Variants in GRID2IP observed in about 807,000 individuals in gnomAD.
The protein encoded by GRID2IP is delphilin.
In GRID2IP, 78 loss-of-function variants were observed where a neutral mutation model predicts 114.3. The ratio of observed to expected loss-of-function variants is 0.68; its 90% confidence interval spans 0.57 to 0.82. GRID2IP has a LOEUF of 0.82. Among genes scored for constraint, GRID2IP ranks in the 40% least tolerant of loss-of-function variants. The pLI is 0.00. For missense variants in GRID2IP, 1,727 were observed against 1,678.5 expected (o/e 1.03, Z -0.51); for synonymous variants, 809 against 724.0 (o/e 1.12, Z -1.89).
rs1779386530 is a variant in GRID2IP, at chr7:6,520,186, G to A, written c.1268+392C>T. Among the ~76,000 whole-genome samples, 1 of 152,210 alleles carries A rather than the reference G, an allele frequency of 6.6e-6. No individual in the cohort carries two copies. On this transcript the variant is annotated intron_variant, in intron 7 of 21. Transcript: ENST00000457091. The surrounding 1 kb of genome is among the most constrained non-coding windows in gnomAD (Gnocchi z 4.6). ...TGGGCACCTGTAATCCCAGCTACTC[G>A]GAGGCTGAGGCAGAAGAATCGCTTG...
At chr7:6,502,689 T>C (rs1413323341) in intron 18 of GRID2IP, 97 bp downstream of exon 18, 1 of 689,016 alleles carries the variant, frequency 1.5e-6, no homozygotes, top group Non-Finnish European at 2.4e-6. Flanking sequence ...TTGGTCACGA[T>C]GTCCTCTTCT....
intron 1 of GRID2IP, among the ~76,000 whole-genome samples, chr7:6,547,303 G>A (rs762199988): frequency 1.3e-5 from 2 of 152,164 alleles, no homozygotes; most frequent in African/African-American, 4.8e-5. Flanking sequence ...CACTTTGGGA[G>A]GCTGAGGCAG....
chr7:6,512,267 GT>G (rs1305764582), intron 8 of GRID2IP, among the ~76,000 whole-genome samples: 2 of 86,340 alleles, frequency 2.3e-5, no homozygotes, highest in Admixed American at 3.0e-4. Flanking sequence ...GTCTCACTCT[GT>G]CCCCCAGGCT....
chr7:6,510,338 C>T lies in GRID2IP; in HGVS notation c.1716G>A (p.Gly572=). ...GGGAAGCCCGGGATTTGGACACGGT[C>T]CCCATCTTCCCTTTGAAGCTGCTGT... ...RLNSSFKGKM[G]TVSKSRASPP... is the part of the protein sequence containing the mutation. The change falls in exon 11 of 22, where the codon GGG becomes GGA. Residue 572 remains glycine (G), a synonymous_variant. Transcript: ENST00000457091. 6.5e-7 allele frequency: 1 copy of T among 1,547,498 alleles called. No homozygotes were observed. Among genetic ancestry groups the T allele is most frequent in the Non-Finnish European group, 8.7e-7 (1 of 1,145,264 alleles).
In GRID2IP at chr7:6,551,134, G is replaced by C. The variant is rs1779971311; in HGVS notation, c.303C>G (p.Val101=). ...CGCGGCCGCACCGCGGGGCCCGCAA[G>C]ACTGTGGTCGGGGCCGCGGGGCCGG... ...PGSGPAAPTT[V]LRAPRCGRGL... The change falls in exon 1 of 22, where the codon GTC becomes GTG. Residue 101 remains valine (V), a synonymous_variant. Transcript: ENST00000457091. 2 of 1,318,676 alleles carry C rather than the reference G, an allele frequency of 1.5e-6. No homozygotes were observed. The allele number at this position is 1,318,676 out of a possible 1,614,324, so 81.7% of individuals were successfully genotyped here. A position where few individuals can be genotyped will look rare whatever the true frequency, so the allele number is the denominator to read the frequency against.
chr7:6,544,841 G>A (rs555193039), intron 1 of GRID2IP, among the ~76,000 whole-genome samples: 3 of 151,908 alleles, frequency 2.0e-5, no homozygotes, highest in Non-Finnish European at 4.4e-5. Context: ...CAGCACTTTG[G>A]GAGGCCGAGG....
intron 16 of GRID2IP, 84 bp from the exon 17 acceptor site, chr7:6,503,247 G>GGA: frequency 6.0e-6 from 3 of 504,196 alleles, no homozygotes; most frequent in Non-Finnish European, 1.1e-5. Context: ...GGGAGGGGGG[G>GGA]ATCTGCTGGC....
At chr7:6,549,723 T>C (rs1779940958) in intron 1 of GRID2IP, among the ~76,000 whole-genome samples, 1 of 151,870 alleles carries the variant, frequency 6.6e-6, no homozygotes, top group African/African-American at 2.4e-5. Flanking sequence ...CAAGCTCAAG[T>C]AATCCTCCCA....
intron 15 of GRID2IP, among the ~76,000 whole-genome samples, chr7:6,503,894 G>T (rs1227440934): frequency 6.6e-6 from 1 of 151,510 alleles, no homozygotes; most frequent in Non-Finnish European, 1.5e-5. Context: ...GGAGAGGACG[G>T]CGCTTCAATA....
At position 6,510,715 on chromosome 7, in the gene GRID2IP, GAAT is replaced by G; in HGVS notation, c.1556-12_1556-10del. On this transcript the variant is annotated splice_polypyrimidine_tract_variant and intron_variant, in intron 9 of 21. Coordinates refer to ENST00000457091, the MANE Select transcript of GRID2IP (RefSeq NM_001145118.2). ...AGGGCACTCGCTGGGACCTACCGGG[GAAT>G]AATGTCATTACCGTATCTGAGCTCT... The G allele has an allele frequency of 6.5e-7, 1 of 1,546,656 alleles. No individual in the cohort carries two copies. The highest frequency in any genetic ancestry group is 1.2e-5 in the South Asian group (1 of 83,658).
rs13230238 is a variant in GRID2IP at position 6,506,681 on chromosome 7, A to G, written c.2545-774T>C. 5.2e-5 allele frequency among the ~76,000 whole-genome samples: 7 copies of G among 134,030 alleles called. No individual in the cohort carries two copies. Among genetic ancestry groups the G allele is most frequent in the African/African-American group, 1.3e-4 (5 of 38,622 alleles). 87.9% of individuals were successfully genotyped at this position (134,030 alleles called of 152,430 possible). A position where few individuals can be genotyped will look rare whatever the true frequency, so the allele number is the denominator to read the frequency against. ...ATTTGTGCCCTTGTCTCACTGAGGT[A>G]TTTTTTTTTTTTTTTTTTTAGATAG... On this transcript the variant is annotated intron_variant, in intron 13 of 21. Coordinates refer to ENST00000457091, the MANE Select transcript of GRID2IP (RefSeq NM_001145118.2). This position sits in a 1 kb window ranked among gnomAD's most constrained non-coding sequence, Gnocchi z 5.2.
Position 6,526,306 on chromosome 7 carries a change from A to G in GRID2IP, c.837T>C (p.Thr279=). Residue 279 remains threonine (T), a synonymous_variant, in exon 4 of 22, where the codon ACT becomes ACC. Coordinates refer to ENST00000457091, the MANE Select transcript of GRID2IP (RefSeq NM_001145118.2). This position sits in a 1 kb window ranked among gnomAD's most constrained non-coding sequence, Gnocchi z 7.6. ...GLAGPGGARR[T]VRVYKGNKSF... ...TCTTGTTGCCTTTGTAGACTCGGAC[A>G]GTCCTGGGGGAAAAAGAAGGGGCGA... 6.4e-7 allele frequency: 1 copy of G among 1,551,864 alleles called. No homozygotes were observed. The highest frequency in any genetic ancestry group is 8.7e-7 in the Non-Finnish European group (1 of 1,146,960).
rs1427681080 is a variant in GRID2IP, at chr7:6,497,743, T to C, written c.*31A>G. 1 of 1,523,948 alleles carries C rather than the reference T, an allele frequency of 6.6e-7. No individual in the cohort carries two copies. The highest frequency in any genetic ancestry group is 2.0e-5 in the Admixed American group (1 of 50,162). 94.4% of individuals were successfully genotyped at this position (1,523,948 alleles called of 1,614,324 possible). A position where few individuals can be genotyped will look rare whatever the true frequency, so the allele number is the denominator to read the frequency against. Reference sequence around the variant, plus strand: ...GCCCTCTCGGCCTCCATCTCCCTGCTCAGGCCGCAGAGGACGCGGTGTGGC... The same window carrying C: ...GCCCTCTCGGCCTCCATCTCCCTGCCCAGGCCGCAGAGGACGCGGTGTGGC... On this transcript the variant is annotated 3_prime_UTR_variant, in exon 22 of 22. Transcript: ENST00000457091.
chr7:6,504,269 T>C (rs1451018665), intron 15 of GRID2IP, among the ~76,000 whole-genome samples: 1 of 118,420 alleles, frequency 8.4e-6, no homozygotes, highest in Non-Finnish European at 1.8e-5. Flanking sequence ...CTGGTTGAGT[T>C]CGAGCGGGGG....
At position 6,526,602 on chromosome 7, in the gene GRID2IP, G is replaced by T; in HGVS notation, c.752C>A (p.Pro251Gln). Residue 251 changes from proline (P) to glutamine (Q), a missense_variant, in exon 3 of 22, where the codon CCG (proline) becomes CAG (glutamine). Transcript: ENST00000457091. This position sits in a 1 kb window ranked among gnomAD's most constrained non-coding sequence, Gnocchi z 7.6. The stretch of plus-strand genomic sequence containing the variant: ...GGGCGGCTCATCGGGGCGGCGCGGC[G>T]GGGCGCTGGCGCGCGTGGACACCAG... ...RLLVSTRASA[P>Q]PRRPDEPPPR... 8.4e-7 allele frequency: 1 copy of T among 1,193,286 alleles called. No homozygotes were observed. The highest frequency in any genetic ancestry group is 1.0e-6 in the Non-Finnish European group (1 of 964,206). 73.9% of individuals were successfully genotyped at this position (1,193,286 alleles called of 1,614,324 possible).
chr7:6,526,682 G>A lies in GRID2IP; in HGVS notation c.672C>T (p.Ala224=). The A allele has an allele frequency of 3.4e-6, 5 of 1,483,946 alleles. No homozygotes were observed. Among genetic ancestry groups the A allele is most frequent in the Non-Finnish European group, 4.5e-6 (5 of 1,119,472 alleles). The allele number at this position is 1,483,946 out of a possible 1,614,324, so 91.9% of individuals were successfully genotyped here. The change falls in exon 3 of 22, where the codon GCC becomes GCT. Residue 224 remains alanine, a synonymous_variant. Transcript: ENST00000457091. This position sits in a 1 kb window ranked among gnomAD's most constrained non-coding sequence, Gnocchi z 7.6. The part of the protein sequence containing the change: ...LLGKLCRARR[A]QGAQRLRRSR... ...TCCGGCGCAGTCGCTGCGCGCCCTG[G>A]GCCCGGCGTGCGCGGCACAGCTTGC...
chr7:6,548,734 C>T (rs547889272), intron 1 of GRID2IP, among the ~76,000 whole-genome samples: 10 of 150,062 alleles, frequency 6.7e-5, no homozygotes, highest in South Asian at 4.3e-4. Context: ...CCCAGCTACG[C>T]GGGAGGCTGA....
At position 6,500,582 on chromosome 7, in the gene GRID2IP, C is replaced by T. The variant is rs1268132527; in HGVS notation, c.3399+1199G>A. Among the ~76,000 whole-genome samples, 14 of 152,200 alleles carry T rather than the reference C, an allele frequency of 9.2e-5. 1 individual carries two copies. Among genetic ancestry groups the T allele is most frequent in the Admixed American group, 9.2e-4 (14 of 15,282 alleles). ...AGATCTCCTGCCTGAGAGGAAAGGG[C>T]AGGGGTAGATCTGACATCAAATTCC... On this transcript the variant is annotated intron_variant, in intron 20 of 21. Coordinates refer to ENST00000457091, the MANE Select transcript of GRID2IP (RefSeq NM_001145118.2).
Position 6,516,983 on chromosome 7 carries a change from G to C in GRID2IP, c.1269-2454C>G, listed in dbSNP as rs1471633773. On this transcript the variant is annotated intron_variant, in intron 7 of 21. Transcript: ENST00000457091. The surrounding 1 kb of genome is among the most constrained non-coding windows in gnomAD (Gnocchi z 4.3). ...GGCCAGGCATTCGGGGCCACTACTG[G>C]TCTCCGCGTCTTGGTGGTAGTGGTC... 1.3e-5 allele frequency among the ~76,000 whole-genome samples: 2 copies of C among 151,436 alleles called. No homozygotes were observed. Among genetic ancestry groups the C allele is most frequent in the African/African-American group, 4.9e-5 (2 of 41,190 alleles).
Sources: allele counts gnomAD v4.1 joint callset (sites outside exome capture counted in the v4.1 genomes callset), GRCh38; gene constraint gnomAD v4.1.1; non-coding constraint Gnocchi (gnomAD v3.1); transcripts MANE v1.5; gene names NCBI Gene and HGNC (gene_info 2026-07-23, HGNC 2026-07-21).